The following SHISA6 variants were observed in gnomAD, a reference collection of about 807,000 sequenced individuals.
The protein encoded by SHISA6 is shisa family member 6, also known as protein shisa-6.
In SHISA6, 22 loss-of-function variants were observed where a neutral mutation model predicts 47.9. The observed-to-expected ratio is 0.46, with a 90% CI of 0.33 to 0.66. The LOEUF is 0.66. SHISA6 is among the 30% of genes least tolerant of loss of function. SHISA6 has a pLI of 0.02. For missense variants in SHISA6, 680 were observed against 764.6 expected (o/e 0.89, Z 1.30); for synonymous variants, 388 against 337.8 (o/e 1.15, Z -1.63).
chr17:11,493,063 A>T (rs536092368), intron 3 of SHISA6, among the ~76,000 whole-genome samples: 1 of 151,972 alleles, frequency 6.6e-6, no homozygotes, highest in Non-Finnish European at 1.5e-5. Context: ...CATTTATCCA[A>T]CTTTTCCATG....
chr17:11,401,886 A>G (rs1913785015), intron 3 of SHISA6, among the ~76,000 whole-genome samples: 1 of 152,172 alleles, frequency 6.6e-6, no homozygotes, highest in Admixed American at 6.5e-5. Context: ...CTTTCTCCAG[A>G]TTTATAAACT....
At chr17:11,480,654 C>T (rs187588488) in intron 3 of SHISA6, among the ~76,000 whole-genome samples, 3 of 152,306 alleles carry the variant, frequency 2.0e-5, no homozygotes, top group Admixed American at 6.5e-5. Flanking sequence ...ACCTACAAGA[C>T]AGAAAAAGCT....
chr17:11,266,972 C>G (rs986227598), intron 2 of SHISA6, among the ~76,000 whole-genome samples: 2 of 152,188 alleles, frequency 1.3e-5, no homozygotes, highest in Admixed American at 6.5e-5. Flanking sequence ...AATAATAACA[C>G]AAGTACCATA....
intron 3 of SHISA6, among the ~76,000 whole-genome samples, chr17:11,411,939 T>C (rs1404968979): frequency 6.6e-6 from 1 of 152,198 alleles, no homozygotes; most frequent in Non-Finnish European, 1.5e-5. Flanking sequence ...TGCCTACCAA[T>C]GTATGATTGT....
chr17:11,375,775 G>A (rs1458947407), intron 2 of SHISA6, among the ~76,000 whole-genome samples: 12 of 152,168 alleles, frequency 7.9e-5, no homozygotes, highest in Non-Finnish European at 1.5e-4. Context: ...ACGGGAGGTC[G>A]AGGCAGCCTG....
chr17:11,360,601 AGGGGAACATCACACACCG>A (rs1912235717), intron 2 of SHISA6, among the ~76,000 whole-genome samples: 1 of 150,868 alleles, frequency 6.6e-6, no homozygotes, highest in South Asian at 2.1e-4. Flanking sequence ...GGACACAGGG[AGGGGAACATCACACACCG>A]GGGCCTGTCC....
chr17:11,441,846 C>T (rs371342518), intron 3 of SHISA6, among the ~76,000 whole-genome samples: 5 of 152,228 alleles, frequency 3.3e-5, no homozygotes, highest in Admixed American at 2.6e-4. Flanking sequence ...CTGCGAACTA[C>T]TTATTTGAAA....
intron 3 of SHISA6, among the ~76,000 whole-genome samples, chr17:11,401,130 GTT>G (rs2142264152): frequency 6.6e-6 from 1 of 152,290 alleles, no homozygotes; most frequent in African/African-American, 2.4e-5. Context: ...CCTAATACTT[GTT>G]TACATTATTG....
intron 1 of SHISA6, 82 bp downstream of exon 1, chr17:11,242,142 G>C: frequency 6.6e-7 from 1 of 1,520,114 alleles, no homozygotes; most frequent in Non-Finnish European, 8.8e-7. Context: ...CTTCACTCTC[G>C]GCATCATCAC....
intron 2 of SHISA6, among the ~76,000 whole-genome samples, chr17:11,365,272 A>C (rs1382157384): frequency 6.6e-6 from 1 of 152,068 alleles, no homozygotes; most frequent in Non-Finnish European, 1.5e-5. Context: ...TTATTGGTTG[A>C]AATTATTATT....
At chr17:11,318,402 G>C (rs1277938315) in intron 2 of SHISA6, among the ~76,000 whole-genome samples, 1 of 152,118 alleles carries the variant, frequency 6.6e-6, no homozygotes, top group Non-Finnish European at 1.5e-5. Flanking sequence ...GCTTCGTCCT[G>C]TGCCAAGCCA....
At chr17:11,548,685 T>G (rs2071904131) in intron 3 of SHISA6, among the ~76,000 whole-genome samples, 1 of 152,124 alleles carries the variant, frequency 6.6e-6, no homozygotes. Flanking sequence ...TGCTCAGGGT[T>G]GTTTGATGTC....
intron 2 of SHISA6, among the ~76,000 whole-genome samples, chr17:11,362,212 T>C (rs2142230385): frequency 6.6e-6 from 1 of 152,230 alleles, no homozygotes; most frequent in South Asian, 2.1e-4. Flanking sequence ...TGATCATAGC[T>C]TACTGCAGTC....
chr17:11,324,130 T>C (rs1910799079), intron 2 of SHISA6, among the ~76,000 whole-genome samples: 1 of 152,150 alleles, frequency 6.6e-6, no homozygotes, highest in Non-Finnish European at 1.5e-5. Flanking sequence ...TTGGGAATAT[T>C]TCCCGTCCAT....
chr17:11,316,575 C>A (rs1347149846), intron 2 of SHISA6, among the ~76,000 whole-genome samples: 1 of 151,898 alleles, frequency 6.6e-6, no homozygotes, highest in Admixed American at 6.6e-5. Context: ...TGCGTGCCAC[C>A]ACGCCCGGCT....
chr17:11,547,920 A>T (rs530137825), intron 3 of SHISA6, among the ~76,000 whole-genome samples: 1 of 152,310 alleles, frequency 6.6e-6, no homozygotes, highest in African/African-American at 2.4e-5. Context: ...GGATTTTTTT[A>T]AAGAAAAATT....
intron 3 of SHISA6, among the ~76,000 whole-genome samples, chr17:11,426,956 C>T (rs978248185): frequency 6.6e-5 from 10 of 152,166 alleles, no homozygotes; most frequent in African/African-American, 2.4e-4. Flanking sequence ...ACGTTGCCAT[C>T]CTGTCTCCAC....
At chr17:11,428,049 A>G (rs1372735898) in intron 3 of SHISA6, among the ~76,000 whole-genome samples, 1 of 152,236 alleles carries the variant, frequency 6.6e-6, no homozygotes, top group Non-Finnish European at 1.5e-5. Context: ...GCTGACATCT[A>G]TTAAGCACTT....
intron 3 of SHISA6, among the ~76,000 whole-genome samples, chr17:11,540,653 T>C (rs1218089369): frequency 6.6e-6 from 1 of 152,234 alleles, no homozygotes; most frequent in Non-Finnish European, 1.5e-5. Flanking sequence ...CTACACTCTG[T>C]GTTAGGTGAA....
Sources: gnomAD v4.1 joint callset for allele counts (sites outside exome capture counted in the v4.1 genomes callset) on GRCh38, gnomAD v4.1.1 for gene constraint, MANE v1.5 for transcripts, NCBI Gene and HGNC (gene_info 2026-07-23, HGNC 2026-07-21) for gene names.